Variants in AK8 observed in about 807,000 individuals in gnomAD.
AK8 encodes the protein ATP-AMP transphosphorylase 8.
Under a neutral mutation model 54.6 loss-of-function variants are expected in AK8, and 44 were observed. The observed-to-expected ratio is 0.81, with a 90% CI of 0.63 to 1.04. The LOEUF (loss-of-function observed/expected upper bound fraction) is 1.04, where lower values mean the gene tolerates loss of function less well. Ranked by LOEUF, AK8 falls within the 50% of genes least tolerant of loss-of-function variation. The pLI, the probability that AK8 is intolerant of heterozygous loss-of-function variation, is 0.00. For missense variants in AK8, 555 were observed against 613.6 expected (o/e 0.90, Z 1.01); for synonymous variants, 239 against 245.6 (o/e 0.97, Z 0.25).
chr9:132,808,377 C>T (rs533523575), intron 10 of AK8, among the ~76,000 whole-genome samples: 108 of 152,282 alleles, frequency 7.1e-4, no homozygotes, highest in South Asian at 1.5e-3. Flanking sequence ...GAATAAGCAT[C>T]TCCCCAGTCC....
intron 10 of AK8, among the ~76,000 whole-genome samples, chr9:132,809,890 G>A (rs1490251883): frequency 2.0e-5 from 3 of 152,212 alleles, no homozygotes; most frequent in Non-Finnish European, 4.4e-5. Context: ...GGCTGTGGTC[G>A]GCTAGGCAGA....
chr9:132,792,582 G>A lies in AK8; in HGVS notation c.1121+52C>T. 2 of 1,526,982 alleles carry A rather than the reference G, an allele frequency of 1.3e-6. 1 individual carries two copies. The highest frequency in any genetic ancestry group is 2.5e-5 in the South Asian group (2 of 81,068). 94.6% of individuals were successfully genotyped at this position (1,526,982 alleles called of 1,614,324 possible). On this transcript the variant is annotated intron_variant, in intron 11 of 12. Coordinates refer to ENST00000298545, the MANE Select transcript of AK8 (RefSeq NM_152572.3). ...GACCCCTTCAGCTGAGCCCTGGAGAGGGGGTGCCCAGGGGCTTGGCCAGGG... is the reference window on the plus strand; with the variant it reads ...GACCCCTTCAGCTGAGCCCTGGAGAAGGGGTGCCCAGGGGCTTGGCCAGGG...
chr9:132,741,296 A>T (rs1837379246), intron 11 of AK8, among the ~76,000 whole-genome samples: 2 of 152,248 alleles, frequency 1.3e-5, no homozygotes, highest in African/African-American at 4.8e-5. Flanking sequence ...GTTAGCAGTC[A>T]GTGCAGACAA....
chr9:132,876,566 G>A (rs1476885544), intron 1 of AK8, among the ~76,000 whole-genome samples: 1 of 152,118 alleles, frequency 6.6e-6, no homozygotes, highest in African/African-American at 2.4e-5. Flanking sequence ...ATCCAAACAA[G>A]GCCTACAGTT....
intron 11 of AK8, among the ~76,000 whole-genome samples, chr9:132,766,496 C>T (rs1431402505): frequency 6.6e-6 from 1 of 152,100 alleles, no homozygotes; most frequent in Non-Finnish European, 1.5e-5. Flanking sequence ...TTAAAGAGGT[C>T]ATACACACAA....
In AK8 at chr9:132,792,735, C is replaced by T. The variant is rs1839996636; in HGVS notation, c.1020G>A (p.Leu340=). Residue 340 remains leucine, a synonymous_variant, in exon 11 of 13, where the codon CTG becomes CTA. Transcript: ENST00000298545. ...SLLMKVLSQR[L]DQQDCIQKGW... The stretch of plus-strand genomic sequence containing the variant: ...CTTTCTGGATGCAGTCCTGCTGGTC[C>T]AGGCGCTGGCTCAGCACCTTCATGA... 2 of 1,558,516 alleles carry T rather than the reference C, an allele frequency of 1.3e-6. No homozygotes were observed. The highest frequency in any genetic ancestry group is 2.7e-5 in the African/African-American group (2 of 73,490).
At chr9:132,785,612 G>A (rs1474616112) in intron 11 of AK8, among the ~76,000 whole-genome samples, 1 of 152,116 alleles carries the variant, frequency 6.6e-6, no homozygotes, top group Non-Finnish European at 1.5e-5. Flanking sequence ...GAAAACAAAG[G>A]AAACCATAAT....
chr9:132,735,323 G>A (rs1837051962), intron 11 of AK8, among the ~76,000 whole-genome samples: 1 of 152,180 alleles, frequency 6.6e-6, no homozygotes, highest in Non-Finnish European at 1.5e-5. Context: ...TAGAAACTGA[G>A]GGTGAAATTT....
chr9:132,738,098 G>T (rs1369538532), intron 11 of AK8, among the ~76,000 whole-genome samples: 1 of 151,842 alleles, frequency 6.6e-6, no homozygotes, highest in Non-Finnish European at 1.5e-5. Context: ...CTGTCGCCCA[G>T]GCTGCAGTGC....
At position 132,866,906 on chromosome 9, in the gene AK8, T is replaced by C. The variant is rs1843622616; in HGVS notation, c.217A>G (p.Ile73Val). ...LGPPASGKTT[I>V]AMWLCKHLNS... ...AACACTTAATATGATACACTTACTA[T>C]TGTTGTTTTCCCTGAGGCGGGTGGA... is the stretch of plus-strand genomic sequence containing the variant. The change falls in exon 3 of 13, where the codon ATA (isoleucine) becomes GTA (valine). Residue 73 changes from isoleucine (I) to valine (V), a missense_variant and splice_region_variant. By Grantham distance (29) the Ile-to-Val change is conservative. Transcript: ENST00000298545. 1.2e-6 allele frequency: 2 copies of C among 1,613,522 alleles called. No individual in the cohort carries two copies. Among genetic ancestry groups the C allele is most frequent in the Admixed American group, 1.7e-5 (1 of 59,988 alleles).
chr9:132,729,957 C>T (rs963064006), intron 11 of AK8, among the ~76,000 whole-genome samples: 6 of 152,154 alleles, frequency 3.9e-5, no homozygotes, highest in Non-Finnish European at 5.9e-5. Flanking sequence ...AAAGATTGAT[C>T]GAAAGATTAA....
intron 3 of AK8, among the ~76,000 whole-genome samples, chr9:132,864,819 G>C (rs1843524266): frequency 6.6e-6 from 1 of 152,242 alleles, no homozygotes; most frequent in African/African-American, 2.4e-5. Flanking sequence ...CCAGTGACCA[G>C]AGAAGAGCTA....
chr9:132,800,242 C>T (rs968823166), intron 10 of AK8, among the ~76,000 whole-genome samples: 1 of 152,212 alleles, frequency 6.6e-6, no homozygotes, highest in African/African-American at 2.4e-5. Context: ...ATCCTGCGTG[C>T]CCTGAAGGCC....
rs538494609 is a variant in AK8, at chr9:132,780,106, C to T, written c.1121+12528G>A. Among the ~76,000 whole-genome samples, 41 of 152,186 alleles carry T rather than the reference C, an allele frequency of 2.7e-4. 1 individual carries two copies. The South Asian group carries it at 8.3e-3, about 31-fold the overall frequency. On this transcript the variant is annotated intron_variant, in intron 11 of 12. Transcript: ENST00000298545. ...GGAGGAGGGAAAGGGAAGAAGTGTC[C>T]TCAATGGACGTGATCTGGGAACAAA...
chr9:132,866,128 G>A (rs762759465), intron 3 of AK8, among the ~76,000 whole-genome samples: 3 of 152,168 alleles, frequency 2.0e-5, no homozygotes, highest in Non-Finnish European at 4.4e-5. Context: ...AACCTAGGAG[G>A]CAGAGGTTGC....
At chr9:132,846,922 C>G (rs1842775675) in intron 5 of AK8, among the ~76,000 whole-genome samples, 1 of 152,236 alleles carries the variant, frequency 6.6e-6, no homozygotes, top group Non-Finnish European at 1.5e-5. Context: ...GCTGGAGAAG[C>G]TGCTGGGCGT....
chr9:132,778,701 A>C (rs772029464), intron 11 of AK8, among the ~76,000 whole-genome samples: 2 of 152,186 alleles, frequency 1.3e-5, no homozygotes, highest in Non-Finnish European at 2.9e-5. Flanking sequence ...TCTGGCCTAT[A>C]AACTATATGC....
intron 6 of AK8, 44 bp from the exon 7 acceptor site, chr9:132,828,128 C>T (rs751196477): frequency 1.6e-5 from 25 of 1,524,416 alleles, no homozygotes; most frequent in East Asian, 4.9e-5. Context: ...TGTCGGGCAG[C>T]GGGTGCCACA....
intron 11 of AK8, among the ~76,000 whole-genome samples, chr9:132,754,134 C>T (rs1171644524): frequency 2.6e-5 from 4 of 152,168 alleles, no homozygotes; most frequent in South Asian, 4.1e-4. Flanking sequence ...GGCACATGGC[C>T]GCCTAGGATC....
Sources: allele counts gnomAD v4.1 joint callset (sites outside exome capture counted in the v4.1 genomes callset), GRCh38; gene constraint gnomAD v4.1.1; transcripts MANE v1.5; gene names NCBI Gene and HGNC (gene_info 2026-07-23, HGNC 2026-07-21).